COL5A2: variants seen among roughly 807,000 people sequenced by gnomAD.
The protein encoded by COL5A2 is collagen alpha-2(V) chain.
Under a neutral mutation model 208.2 loss-of-function variants are expected in COL5A2, and 23 were observed. That is an observed-to-expected ratio of 0.11 (90% CI 0.08 to 0.16). The LOEUF (loss-of-function observed/expected upper bound fraction) is 0.16, where lower values mean the gene tolerates loss of function less well. Ranked by LOEUF, COL5A2 falls within the 10% of genes least tolerant of loss-of-function variation. The probability of loss-of-function intolerance (pLI) is 1.00; values close to 1 mark genes in which losing one functional copy is unlikely to be tolerated. For missense variants in COL5A2, 1,590 were observed against 1,956.4 expected (o/e 0.81, Z 3.53); for synonymous variants, 625 against 628.5 (o/e 0.99, Z 0.08).
chr2:189,240,446 T>A, the COL5A2 span, among the ~76,000 whole-genome samples: 1 of 152,232 alleles, frequency 6.6e-6, no homozygotes, highest in Admixed American at 6.5e-5. Context: ...TCCCAAAGGC[T>A]GCACCTTCAA....
chr2:189,331,471 T>A, the COL5A2 span, among the ~76,000 whole-genome samples: 1 of 152,296 alleles, frequency 6.6e-6, no homozygotes, highest in East Asian at 1.9e-4. Context: ...GATAATTGAA[T>A]AATGGGGGCA....
chr2:189,257,628 G>A, the COL5A2 span, among the ~76,000 whole-genome samples: 442 of 152,274 alleles, frequency 2.9e-3, 4 homozygotes, highest in African/African-American at 8.9e-3. Context: ...TTTAAGATGT[G>A]TGATATGCAG....
the COL5A2 span, among the ~76,000 whole-genome samples, chr2:189,318,085 C>G: frequency 1.3e-4 from 20 of 152,124 alleles, no homozygotes; most frequent in Non-Finnish European, 2.5e-4. Context: ...TATACAGAAC[C>G]AAGATATTAT....
chr2:189,190,860 C>T (rs2105845008), intron 1 of COL5A2, among the ~76,000 whole-genome samples: 2 of 152,260 alleles, frequency 1.3e-5, no homozygotes, highest in South Asian at 4.1e-4. Context: ...AGAGAGATTA[C>T]TTTGAGAATG....
At chr2:189,410,082 G>A in the COL5A2 span, among the ~76,000 whole-genome samples, 1 of 152,122 alleles carries the variant, frequency 6.6e-6, no homozygotes, top group Non-Finnish European at 1.5e-5. Flanking sequence ...TATAAGATAA[G>A]TTATGAAAAG....
At chr2:189,180,958 A>T (rs1026713766), upstream of COL5A2, among the ~76,000 whole-genome samples, 1 of 152,232 alleles carries the variant, frequency 6.6e-6, no homozygotes, top group African/African-American at 2.4e-5. Flanking sequence ...ATTGGGCAAC[A>T]GGTGCCTTGC....
chr2:189,267,254 G>A, the COL5A2 span, among the ~76,000 whole-genome samples: 1 of 151,886 alleles, frequency 6.6e-6, no homozygotes, highest in Admixed American at 6.6e-5. Flanking sequence ...GTCAGATGAA[G>A]TATACAGATA....
upstream of COL5A2, among the ~76,000 whole-genome samples, chr2:189,226,123 A>G (rs182330556): frequency 6.6e-6 from 1 of 152,304 alleles, no homozygotes; most frequent in Non-Finnish European, 1.5e-5. Context: ...AAAGTGCTTA[A>G]TAAATAGTAT....
At chr2:189,267,775 G>C in the COL5A2 span, among the ~76,000 whole-genome samples, 1 of 152,084 alleles carries the variant, frequency 6.6e-6, no homozygotes, top group East Asian at 1.9e-4. Context: ...AAAGCTTTTA[G>C]GGTCAAACAT....
chr2:189,303,382 T>C, the COL5A2 span, among the ~76,000 whole-genome samples: 2 of 152,288 alleles, frequency 1.3e-5, no homozygotes, highest in African/African-American at 4.8e-5. Context: ...TCCATTCATA[T>C]TCTCTTTTCA....
rs528527394 is a variant in COL5A2, at chr2:189,126,745, G to A, written c.98-16296C>T. Among the ~76,000 whole-genome samples, 1,003 of 152,218 alleles carry A rather than the reference G, an allele frequency of 6.6e-3. 8 individuals carry two copies. The highest frequency in any genetic ancestry group is 0.011 in the Non-Finnish European group (771 of 67,954). On this transcript the variant is annotated intron_variant, in intron 1 of 53. Transcript: ENST00000374866. ...ATGCAGTCCAGTGTGCCATGTAGGG[G>A]ATTTGAAGTAGTCTTGGCAGGGTGA...
At chr2:189,399,596 C>A in the COL5A2 span, among the ~76,000 whole-genome samples, 8,604 of 152,150 alleles carry the variant, frequency 0.057, 376 homozygotes, top group Non-Finnish European at 0.083. Flanking sequence ...AATTTTGTGG[C>A]TGATTTATAT....
intron 1 of COL5A2, among the ~76,000 whole-genome samples, chr2:189,137,226 T>C (rs892973194): frequency 8.5e-5 from 13 of 152,324 alleles, no homozygotes; most frequent in African/African-American, 3.1e-4. Context: ...TGGTCTTTTA[T>C]AGGAAATGAC....
the COL5A2 span, among the ~76,000 whole-genome samples, chr2:189,366,967 C>G: frequency 4.6e-5 from 7 of 152,110 alleles, no homozygotes; most frequent in African/African-American, 1.7e-4. Flanking sequence ...GAAACTCTCC[C>G]GAAGGCTGTA....
chr2:189,161,743 G>T (rs554436950), intron 1 of COL5A2, among the ~76,000 whole-genome samples: 1 of 152,284 alleles, frequency 6.6e-6, no homozygotes, highest in East Asian at 1.9e-4. Context: ...TTGAGAGATG[G>T]TCTTTACCCT....
chr2:189,079,006 T>C, intron 15 of COL5A2, 57 bp downstream of exon 15: 1 of 1,361,222 alleles, frequency 7.3e-7, no homozygotes, highest in Middle Eastern at 1.8e-4. Context: ...TGTTGTAATC[T>C]AAAAGGCAAG....
At chr2:189,365,112 C>A in the COL5A2 span, among the ~76,000 whole-genome samples, 3 of 152,132 alleles carry the variant, frequency 2.0e-5, no homozygotes, top group Non-Finnish European at 4.4e-5. Context: ...AATTTTTCAG[C>A]CAATCTGTAA....
chr2:189,036,460 G>C (rs1225625438), intron 52 of COL5A2, among the ~76,000 whole-genome samples, 156 bp downstream of exon 52: 3 of 151,860 alleles, frequency 2.0e-5, no homozygotes, highest in African/African-American at 7.3e-5. Flanking sequence ...TTATGCAATG[G>C]TATTACAATT....
intron 1 of COL5A2, among the ~76,000 whole-genome samples, chr2:189,143,611 T>G (rs1687977729): frequency 6.6e-6 from 1 of 152,168 alleles, no homozygotes; most frequent in Admixed American, 6.6e-5. Flanking sequence ...TATACTATGA[T>G]TACAAAACAT....
Sources: gnomAD v4.1 joint callset for allele counts (sites outside exome capture counted in the v4.1 genomes callset) on GRCh38, gnomAD v4.1.1 for gene constraint, MANE v1.5 for transcripts, NCBI Gene and HGNC (gene_info 2026-07-23, HGNC 2026-07-21) for gene names.